SS18: variants seen among roughly 807,000 people sequenced by gnomAD.
SS18 encodes the protein protein SSXT.
In SS18, 28 loss-of-function variants were observed where a neutral mutation model predicts 72.5. That is an observed-to-expected ratio of 0.39 (90% CI 0.29 to 0.53). SS18 has a LOEUF of 0.53. Ranked by LOEUF, SS18 falls within the 20% of genes least tolerant of loss-of-function variation. The pLI is 0.76. For synonymous variants in SS18, 172 were observed against 164.2 expected (o/e 1.05, Z -0.37); for missense variants, 518 against 535.3 (o/e 0.97, Z 0.32).
At chr18:26,048,762 T>C (rs1296395379) in intron 5 of SS18, among the ~76,000 whole-genome samples, 1 of 152,204 alleles carries the variant, frequency 6.6e-6, no homozygotes, top group Non-Finnish European at 1.5e-5. Context: ...ATTTGCAACT[T>C]AGCCACGTGA....
At chr18:26,090,717 G>T, upstream of SS18, 3 of 787,812 alleles carry the variant, frequency 3.8e-6, no homozygotes, top group African/African-American at 1.7e-5. Context: ...GGCGGGGCAG[G>T]CCTGAAGGAG....
At chr18:26,054,018 C>T (rs1365467487) in intron 4 of SS18, among the ~76,000 whole-genome samples, 1 of 152,168 alleles carries the variant, frequency 6.6e-6, no homozygotes, top group African/African-American at 2.4e-5. Flanking sequence ...CGTAAATGCT[C>T]ATGTCCCTGA....
chr18:26,035,936 G>A lies in SS18; in HGVS notation c.881-13C>T, dbSNP rs1460747390. Reference sequence around the variant, plus strand: ...TAATCATTATGACCTACATCAATTCGACAAGAGACAGGAAGAAACGTTAAT... The same window carrying A: ...TAATCATTATGACCTACATCAATTCAACAAGAGACAGGAAGAAACGTTAAT... On this transcript the variant is annotated splice_polypyrimidine_tract_variant and intron_variant, in intron 7 of 10. Coordinates refer to ENST00000415083, the MANE Select transcript of SS18 (RefSeq NM_001007559.3). The surrounding 1 kb of genome is among the most constrained non-coding windows in gnomAD (Gnocchi z 4.4). 7.0e-6 allele frequency: 11 copies of A among 1,572,340 alleles called. No individual in the cohort carries two copies. The highest frequency in any genetic ancestry group is 2.3e-5 in the East Asian group (1 of 44,278).
chr18:26,055,319 T>A (rs563524899), intron 4 of SS18, among the ~76,000 whole-genome samples: 29 of 151,762 alleles, frequency 1.9e-4, no homozygotes, highest in Middle Eastern at 3.4e-3. Flanking sequence ...ATACGAAAAT[T>A]AGCCAGGTGT....
At chr18:26,045,387 C>T (rs551357279) in intron 5 of SS18, among the ~76,000 whole-genome samples, 3 of 152,244 alleles carry the variant, frequency 2.0e-5, no homozygotes, top group East Asian at 1.9e-4. Context: ...CGCTCCAGTT[C>T]GACGGGTCTC....
intron 9 of SS18, 79 bp downstream of exon 9, chr18:26,034,926 G>A: frequency 6.6e-7 from 1 of 1,506,684 alleles, no homozygotes; most frequent in Non-Finnish European, 9.0e-7. Flanking sequence ...GTAAAAATAA[G>A]TATTAAATAT....
chr18:26,023,656 C>T (rs2053392496), intron 10 of SS18: 1 of 526,862 alleles, frequency 1.9e-6, no homozygotes, highest in Non-Finnish European at 3.7e-6. Flanking sequence ...AAATATCTTT[C>T]AAAAATAAAG....
chr18:26,088,031 C>T (rs1156607927), intron 1 of SS18, among the ~76,000 whole-genome samples: 1 of 152,000 alleles, frequency 6.6e-6, no homozygotes, highest in Non-Finnish European at 1.5e-5. Context: ...AAATTGAATC[C>T]CCTTGGGTCC....
At chr18:26,055,915 G>A (rs1184631167) in intron 4 of SS18, among the ~76,000 whole-genome samples, 7 of 151,822 alleles carry the variant, frequency 4.6e-5, no homozygotes, top group South Asian at 2.1e-4. Context: ...GCAATACCAC[G>A]TCCAGCTAAT....
rs887113468 is a variant in SS18 at position 26,032,613 on chromosome 18, G to A, written c.1097-81C>T. Reference sequence around the variant, plus strand: ...AGGGAAGGATGTGAACTACAGAGATGTTACTGTATTTTTCTATCTAAGCTA... The same window carrying A: ...AGGGAAGGATGTGAACTACAGAGATATTACTGTATTTTTCTATCTAAGCTA... On this transcript the variant is annotated intron_variant, in intron 9 of 10. Transcript: ENST00000415083. 2.1e-6 allele frequency: 3 copies of A among 1,452,448 alleles called. No homozygotes were observed. In the African/African-American group the frequency reaches 4.2e-5, roughly 21 times the overall value. 90.0% of individuals were successfully genotyped at this position (1,452,448 alleles called of 1,614,324 possible). A position where few individuals can be genotyped will look rare whatever the true frequency, so the allele number is the denominator to read the frequency against.
intron 10 of SS18, among the ~76,000 whole-genome samples, chr18:26,032,019 A>G (rs1812348490): frequency 6.6e-6 from 1 of 152,168 alleles, no homozygotes; most frequent in South Asian, 2.1e-4. Context: ...GGGGGAACCA[A>G]ATGAATTTAT....
At chr18:26,040,853 G>A (rs575337301) in intron 5 of SS18, among the ~76,000 whole-genome samples, 14 of 152,116 alleles carry the variant, frequency 9.2e-5, no homozygotes, top group Non-Finnish European at 1.9e-4. Flanking sequence ...AGTCTTAGTA[G>A]AGACAAACTG....
chr18:26,067,651 GAGA>G (rs546492247), intron 3 of SS18, among the ~76,000 whole-genome samples: 4 of 152,178 alleles, frequency 2.6e-5, no homozygotes, highest in Non-Finnish European at 5.9e-5. Context: ...TGCATATAAC[GAGA>G]AAATGTTCAA....
In SS18 at chr18:26,035,459, A is replaced by G. The variant is rs1194010169; in HGVS notation, c.974-332T>C. 1 of 311,814 alleles carries G rather than the reference A, an allele frequency of 3.2e-6. No homozygotes were observed. Among genetic ancestry groups the G allele is most frequent in the Non-Finnish European group, 6.0e-6 (1 of 167,778 alleles). 19.3% of individuals were successfully genotyped at this position (311,814 alleles called of 1,614,324 possible). ...ATTAAAGACAGCTACAAGAGCACAC[A>G]CTAGCTACACGAGATCAGCAAGCTG... On this transcript the variant is annotated intron_variant, in intron 8 of 10. Coordinates refer to ENST00000415083, the MANE Select transcript of SS18 (RefSeq NM_001007559.3). This position sits in a 1 kb window ranked among gnomAD's most constrained non-coding sequence, Gnocchi z 4.4.
chr18:26,090,299 GA>G (rs1220801270), intron 1 of SS18, among the ~76,000 whole-genome samples: 2 of 152,216 alleles, frequency 1.3e-5, no homozygotes, highest in Non-Finnish European at 2.9e-5. Flanking sequence ...GTAAATGCGT[GA>G]AAGACTCCGA....
At chr18:26,083,079 C>T (rs2054555301) in intron 2 of SS18, among the ~76,000 whole-genome samples, 1 of 152,024 alleles carries the variant, frequency 6.6e-6, no homozygotes, top group Non-Finnish European at 1.5e-5. Context: ...CAAACCAATA[C>T]TGACAACTTG....
intron 3 of SS18, among the ~76,000 whole-genome samples, chr18:26,076,721 T>C (rs2144133814): frequency 6.6e-6 from 1 of 152,082 alleles, no homozygotes; most frequent in South Asian, 2.1e-4. Context: ...TATGAAATAC[T>C]TGAGTCATGT....
intron 3 of SS18, among the ~76,000 whole-genome samples, chr18:26,070,043 A>G (rs2054286826): frequency 6.6e-6 from 1 of 152,178 alleles, no homozygotes; most frequent in Non-Finnish European, 1.5e-5. Flanking sequence ...AAAATGACCT[A>G]TTGGGTACAG....
rs138634321 is a variant in SS18 at position 26,018,322 on chromosome 18, T to C, written c.*32A>G. On this transcript the variant is annotated 3_prime_UTR_variant, in exon 11 of 11. Coordinates refer to ENST00000415083, the MANE Select transcript of SS18 (RefSeq NM_001007559.3). ...GCTGAGGTGACAATATGGCTGCTAA[T>C]AGATACTGGCTACTGGAATGTAAGT... 798 of 1,585,312 alleles carry C rather than the reference T, an allele frequency of 5.0e-4. 4 individuals carry two copies. The African/African-American group carries it at 8.7e-3, about 17-fold the overall frequency.
Sources: gnomAD v4.1 joint callset for allele counts (sites outside exome capture counted in the v4.1 genomes callset) on GRCh38, gnomAD v4.1.1 for gene constraint, Gnocchi (gnomAD v3.1) non-coding constraint, MANE v1.5 for transcripts, NCBI Gene and HGNC (gene_info 2026-07-23, HGNC 2026-07-21) for gene names.